LRRC4C: variants seen among roughly 807,000 people sequenced by gnomAD.
The protein encoded by LRRC4C is leucine-rich repeat-containing protein 4C.
In LRRC4C, 5 loss-of-function variants were observed where a neutral mutation model predicts 33.6. That is an observed-to-expected ratio of 0.15 (90% CI 0.08 to 0.31). The LOEUF (loss-of-function observed/expected upper bound fraction) is 0.31. Ranked by LOEUF, LRRC4C falls within the 10% of genes least tolerant of loss-of-function variation. The pLI is 1.00. For missense variants in LRRC4C, 560 were observed against 796.7 expected (o/e 0.70, Z 3.58); for synonymous variants, 329 against 302.0 (o/e 1.09, Z -0.93).
chr11:40,508,614 G>A (rs962309156), intron 3 of LRRC4C, among the ~76,000 whole-genome samples: 1 of 152,098 alleles, frequency 6.6e-6, no homozygotes, highest in African/African-American at 2.4e-5. Context: ...TCTTTTTCAT[G>A]AACTCTGTGA....
intron 3 of LRRC4C, among the ~76,000 whole-genome samples, chr11:40,442,042 AGTC>A: frequency 6.6e-6 from 1 of 151,610 alleles, no homozygotes; most frequent in East Asian, 2.0e-4. Flanking sequence ...AGGCGACTGT[AGTC>A]TCAGCTACTT....
chr11:40,759,835 C>T (rs899608708), intron 2 of LRRC4C, among the ~76,000 whole-genome samples: 7 of 151,716 alleles, frequency 4.6e-5, no homozygotes, highest in African/African-American at 1.7e-4. Flanking sequence ...GAACTTCTAG[C>T]CAATAGAATT....
intron 1 of LRRC4C, among the ~76,000 whole-genome samples, chr11:40,966,549 C>T (rs1851377761): frequency 6.6e-6 from 1 of 151,958 alleles, no homozygotes; most frequent in African/African-American, 2.4e-5. Context: ...GTCACAGTTC[C>T]TTTCTACTTT....
At chr11:41,033,945 T>C (rs1487390837) in intron 1 of LRRC4C, among the ~76,000 whole-genome samples, 2 of 152,042 alleles carry the variant, frequency 1.3e-5, no homozygotes, top group African/African-American at 4.8e-5. Context: ...TTTTTAAGAA[T>C]GACAAAAAAT....
intron 3 of LRRC4C, among the ~76,000 whole-genome samples, chr11:40,615,767 T>G (rs1190938377): frequency 6.6e-6 from 1 of 151,702 alleles, no homozygotes; most frequent in Non-Finnish European, 1.5e-5. Context: ...CCTCTTAACC[T>G]TAAAATTTGA....
chr11:40,896,796 G>C (rs1473625103), intron 2 of LRRC4C, among the ~76,000 whole-genome samples: 1 of 152,086 alleles, frequency 6.6e-6, no homozygotes, highest in African/African-American at 2.4e-5. Context: ...AACAAGGTAT[G>C]CGCATCTACT....
intron 4 of LRRC4C, among the ~76,000 whole-genome samples, chr11:40,269,483 G>T (rs1942527293): frequency 6.6e-6 from 1 of 152,022 alleles, no homozygotes; most frequent in African/African-American, 2.4e-5. Context: ...ATCCTAAAGG[G>T]AGTCCTGGTG....
At chr11:40,666,297 C>T (rs895018120) in intron 2 of LRRC4C, among the ~76,000 whole-genome samples, 3 of 151,984 alleles carry the variant, frequency 2.0e-5, no homozygotes, top group Non-Finnish European at 4.4e-5. Flanking sequence ...TTTATAGGTA[C>T]ATTTATATAG....
intron 3 of LRRC4C, among the ~76,000 whole-genome samples, chr11:40,323,406 T>G (rs1323260002): frequency 1.3e-5 from 2 of 152,242 alleles, no homozygotes; most frequent in African/African-American, 4.8e-5. Flanking sequence ...TTTGGATGTT[T>G]AGGACGATGT....
chr11:40,436,670 G>A (rs1951152536), intron 3 of LRRC4C, among the ~76,000 whole-genome samples: 1 of 152,180 alleles, frequency 6.6e-6, no homozygotes, highest in Admixed American at 6.5e-5. Context: ...TTCAAGGCTT[G>A]AATGGGAAGA....
intron 1 of LRRC4C, among the ~76,000 whole-genome samples, chr11:40,967,206 AG>A (rs1386878689): frequency 6.6e-6 from 1 of 151,976 alleles, no homozygotes; most frequent in African/African-American, 2.4e-5. Flanking sequence ...AAAAGAAGGA[AG>A]GAAGAAAGAA....
chr11:41,112,543 A>T (rs560759042), intron 1 of LRRC4C, among the ~76,000 whole-genome samples: 92 of 152,212 alleles, frequency 6.0e-4, no homozygotes, highest in Middle Eastern at 3.4e-3. Context: ...GAATCAAGGC[A>T]ATGGGCATAG....
chr11:40,505,862 T>C (rs913457308), intron 3 of LRRC4C, among the ~76,000 whole-genome samples: 13 of 151,584 alleles, frequency 8.6e-5, no homozygotes, highest in Non-Finnish European at 1.3e-4. Context: ...ATTTTCTTAA[T>C]ATTTATGCTG....
At chr11:41,138,366 G>T (rs897494653) in intron 1 of LRRC4C, among the ~76,000 whole-genome samples, 2 of 152,174 alleles carry the variant, frequency 1.3e-5, no homozygotes, top group East Asian at 1.9e-4. Flanking sequence ...GTCACTGCAG[G>T]TTATAATCAG....
Position 41,305,397 on chromosome 11 carries a change from G to C in LRRC4C, c.-496+154034C>G, listed in dbSNP as rs991315133. On this transcript the variant is annotated intron_variant, in intron 1 of 6. Coordinates refer to ENST00000528697, the MANE Select transcript of LRRC4C (RefSeq NM_001258419.2). ...TCTGCCCGGCCACCACCCCGTCTGG[G>C]AGGTGTGCCCAACAGCTCATTGAGA... is the stretch of plus-strand genomic sequence containing the variant. Among the ~76,000 whole-genome samples the C allele has an allele frequency of 7.9e-4, 41 of 51,920 alleles. 15 individuals carry two copies. Among genetic ancestry groups the C allele is most frequent in the Non-Finnish European group, 1.9e-3 (34 of 18,234 alleles). 34.1% of individuals were successfully genotyped at this position (51,920 alleles called of 152,430 possible).
At chr11:41,139,186 A>G (rs1200906192) in intron 1 of LRRC4C, among the ~76,000 whole-genome samples, 4 of 152,182 alleles carry the variant, frequency 2.6e-5, no homozygotes, top group Non-Finnish European at 5.9e-5. Flanking sequence ...CATAAACAAG[A>G]TTTTATAGTT....
At chr11:41,064,062 G>A (rs1938014886) in intron 1 of LRRC4C, among the ~76,000 whole-genome samples, 1 of 152,172 alleles carries the variant, frequency 6.6e-6, no homozygotes, top group Admixed American at 6.5e-5. Flanking sequence ...ATTGTATCTG[G>A]TTATAAACTT....
At chr11:40,303,331 A>C (rs1944871921) in intron 4 of LRRC4C, among the ~76,000 whole-genome samples, 1 of 152,022 alleles carries the variant, frequency 6.6e-6, no homozygotes, top group Non-Finnish European at 1.5e-5. Flanking sequence ...TGCATGTGAG[A>C]TATTCTATTT....
chr11:40,262,666 T>C (rs1332349880), intron 4 of LRRC4C, among the ~76,000 whole-genome samples: 2 of 152,084 alleles, frequency 1.3e-5, no homozygotes, highest in Non-Finnish European at 2.9e-5. Context: ...AAAGGATGAG[T>C]TCATGTCCTT....
Sources: gnomAD v4.1 joint callset for allele counts (sites outside exome capture counted in the v4.1 genomes callset) on GRCh38, gnomAD v4.1.1 for gene constraint, MANE v1.5 for transcripts, NCBI Gene and HGNC (gene_info 2026-07-23, HGNC 2026-07-21) for gene names.